Variants in RASSF5 observed in about 807,000 individuals in gnomAD.
The protein encoded by RASSF5 is Ras association domain family member 5.
In RASSF5, 25 loss-of-function variants were observed where a neutral mutation model predicts 40.5. The observed-to-expected ratio is 0.62, with a 90% CI of 0.45 to 0.86. The LOEUF is 0.86. Among genes scored for constraint, RASSF5 ranks in the 40% least tolerant of loss-of-function variants. The pLI, the probability that RASSF5 is intolerant of heterozygous loss-of-function variation, is 0.00. For synonymous variants in RASSF5, 246 were observed against 252.4 expected (o/e 0.97, Z 0.24); for missense variants, 521 against 572.8 (o/e 0.91, Z 0.92).
At chr1:206,566,828 G>A (rs1374153160) in intron 2 of RASSF5, among the ~76,000 whole-genome samples, 2 of 152,106 alleles carry the variant, frequency 1.3e-5, no homozygotes, top group East Asian at 1.9e-4. Flanking sequence ...CCTTTCAATG[G>A]GCTATAATTT....
chr1:206,517,578 C>A (rs1224618028), intron 1 of RASSF5, among the ~76,000 whole-genome samples: 1 of 152,178 alleles, frequency 6.6e-6, no homozygotes, highest in Non-Finnish European at 1.5e-5. Flanking sequence ...GAGGGACACC[C>A]CTCTCTAGTG....
intron 2 of RASSF5, chr1:206,544,934 C>G (rs1312137489): frequency 2.0e-5 from 3 of 152,036 alleles, no homozygotes; most frequent in African/African-American, 7.2e-5. Flanking sequence ...TGCCTTGTCC[C>G]TCAGCCCAAC....
At chr1:206,577,028 C>T (rs1466374152) in intron 2 of RASSF5, among the ~76,000 whole-genome samples, 9 of 148,942 alleles carry the variant, frequency 6.0e-5, no homozygotes, top group African/African-American at 2.0e-4. Context: ...CCAGACTGGT[C>T]TCGAACTCCT....
intron 2 of RASSF5, among the ~76,000 whole-genome samples, chr1:206,563,304 C>T (rs1270068421): frequency 1.3e-5 from 2 of 152,164 alleles, no homozygotes; most frequent in Non-Finnish European, 2.9e-5. Context: ...ATGCCTCCTG[C>T]CACCGTTTCT....
In RASSF5 at chr1:206,531,984, G is replaced by A. The variant is rs1367561704; in HGVS notation, c.458-6188G>A. ...GGAGAATGGCGTGAACCCGGGAGGCGGAGCTTGCAGTGAGCCAAGTTCACG... is the reference window on the plus strand; with the variant it reads ...GGAGAATGGCGTGAACCCGGGAGGCAGAGCTTGCAGTGAGCCAAGTTCACG... On this transcript the variant is annotated intron_variant, in intron 1 of 5. Transcript: ENST00000579436. The surrounding 1 kb of genome is among the most constrained non-coding windows in gnomAD (Gnocchi z 4.7). 8.6e-5 allele frequency among the ~76,000 whole-genome samples: 13 copies of A among 151,934 alleles called. No individual in the cohort carries two copies. Among genetic ancestry groups the A allele is most frequent in the African/African-American group, 2.7e-4 (11 of 41,358 alleles).
intron 2 of RASSF5, chr1:206,544,708 AC>A: frequency 6.6e-6 from 1 of 151,924 alleles, no homozygotes; most frequent in Non-Finnish European, 1.5e-5. Context: ...TTCTGCCTAC[AC>A]CCCCAACCCC....
chr1:206,571,783 C>T (rs782102444), intron 2 of RASSF5, among the ~76,000 whole-genome samples: 31 of 152,138 alleles, frequency 2.0e-4, no homozygotes, highest in Non-Finnish European at 2.2e-4. Flanking sequence ...ACTGAAAGGA[C>T]GCTGACCTAG....
chr1:206,586,980 C>G lies in RASSF5; in HGVS notation c.*2C>G. The G allele has an allele frequency of 2.5e-6, 4 of 1,614,006 alleles. No individual in the cohort carries two copies. The highest frequency in any genetic ancestry group is 2.5e-6 in the Non-Finnish European group (3 of 1,179,924). Reference sequence around the variant, plus strand: ...GAATCCCAGGGCAAACCTGGGTAACCGGTCCTGCTTCCTCTCCTCCTGGTG... The same window carrying G: ...GAATCCCAGGGCAAACCTGGGTAACGGGTCCTGCTTCCTCTCCTCCTGGTG... On this transcript the variant is annotated 3_prime_UTR_variant, in exon 6 of 6. Transcript: ENST00000579436.
chr1:206,564,014 A>C (rs1156758456), intron 2 of RASSF5, among the ~76,000 whole-genome samples: 2 of 152,196 alleles, frequency 1.3e-5, no homozygotes, highest in African/African-American at 4.8e-5. Flanking sequence ...CTCCCTTCCC[A>C]TCCAGCTCAA....
At chr1:206,558,870 T>C (rs1553402187) in intron 2 of RASSF5, among the ~76,000 whole-genome samples, 1 of 152,088 alleles carries the variant, frequency 6.6e-6, no homozygotes, top group East Asian at 1.9e-4. Context: ...GGGACAGGCG[T>C]CCCTTTCCCT....
intron 2 of RASSF5, among the ~76,000 whole-genome samples, chr1:206,568,130 C>A (rs549497401): frequency 2.0e-5 from 3 of 152,292 alleles, no homozygotes; most frequent in Admixed American, 6.5e-5. Context: ...AGATAGGACC[C>A]TTTGCCAGGC....
intron 1 of RASSF5, 131 bp from the exon 2 acceptor site, chr1:206,538,041 C>T (rs1281300157): frequency 1.9e-5 from 25 of 1,305,062 alleles, no homozygotes; most frequent in South Asian, 2.7e-5. Flanking sequence ...CGCTGTCTCC[C>T]GCCCCACCAC....
chr1:206,508,614 T>C (rs1553394228), intron 1 of RASSF5, among the ~76,000 whole-genome samples: 1 of 152,136 alleles, frequency 6.6e-6, no homozygotes, highest in Non-Finnish European at 1.5e-5. Flanking sequence ...AAAGGCAGGC[T>C]GTGAGGCTGA....
intron 1 of RASSF5, among the ~76,000 whole-genome samples, chr1:206,508,617 G>A (rs1446544665): frequency 9.2e-5 from 14 of 152,132 alleles, no homozygotes; most frequent in African/African-American, 2.9e-4. Flanking sequence ...GGCAGGCTGT[G>A]AGGCTGAAGA....
chr1:206,570,973 A>C (rs1668432262), intron 2 of RASSF5, among the ~76,000 whole-genome samples: 1 of 152,206 alleles, frequency 6.6e-6, no homozygotes. Flanking sequence ...TTGCTGGATC[A>C]CATGGTAATT....
chr1:206,578,148 C>T (rs1274333920), intron 2 of RASSF5, among the ~76,000 whole-genome samples: 3 of 151,798 alleles, frequency 2.0e-5, no homozygotes, highest in Non-Finnish European at 4.4e-5. Context: ...ATTGCTTGAG[C>T]CTAGGAGGTC....
At chr1:206,511,331 G>T (rs1478827416) in intron 1 of RASSF5, among the ~76,000 whole-genome samples, 1 of 152,188 alleles carries the variant, frequency 6.6e-6, no homozygotes, top group African/African-American at 2.4e-5. Flanking sequence ...CTGCCCTTTG[G>T]CTTTATTCTC....
chr1:206,561,663 C>CTTT (rs61094454), intron 2 of RASSF5, among the ~76,000 whole-genome samples: 6 of 118,010 alleles, frequency 5.1e-5, no homozygotes, highest in African/African-American at 1.3e-4. Flanking sequence ...TTTTCTTTTT[C>CTTT]TTTTTTTTTT....
chr1:206,569,508 G>C (rs181453151), intron 2 of RASSF5, among the ~76,000 whole-genome samples: 1 of 152,330 alleles, frequency 6.6e-6, no homozygotes, highest in Non-Finnish European at 1.5e-5. Flanking sequence ...AGAAGCCTTG[G>C]CTGCATTAAA....
Sources: gnomAD v4.1 joint callset for allele counts (sites outside exome capture counted in the v4.1 genomes callset) on GRCh38, gnomAD v4.1.1 for gene constraint, Gnocchi (gnomAD v3.1) non-coding constraint, MANE v1.5 for transcripts, NCBI Gene and HGNC (gene_info 2026-07-23, HGNC 2026-07-21) for gene names.